The following PMPCA variants were observed in gnomAD, a reference collection of about 807,000 sequenced individuals.
PMPCA encodes mitochondrial-processing peptidase subunit alpha.
A neutral mutation model predicts 59.3 loss-of-function variants in PMPCA; 47 were observed. That is an observed-to-expected ratio of 0.79 (90% confidence interval 0.63 to 1.01). The LOEUF is 1.01. Ranked by LOEUF, PMPCA falls within the 50% of genes least tolerant of loss-of-function variation. The pLI, the probability that PMPCA is intolerant of heterozygous loss-of-function variation, is 0.00. For missense variants in PMPCA, 726 were observed against 704.5 expected (o/e 1.03, Z -0.34); for synonymous variants, 338 against 290.3 (o/e 1.16, Z -1.67).
intron 11 of PMPCA, among the ~76,000 whole-genome samples, chr9:136,421,459 G>C (rs1835449484): frequency 6.8e-6 from 1 of 146,836 alleles, no homozygotes; most frequent in Non-Finnish European, 1.5e-5. Context: ...GCCCAGGCTG[G>C]AGTGCAGTGG....
In PMPCA at chr9:136,418,088, A is replaced by T. The variant is rs753420607; in HGVS notation, c.969A>T (p.Gly323=). 1.2e-5 allele frequency: 19 copies of T among 1,612,954 alleles called. No individual in the cohort carries two copies. In the South Asian group the frequency reaches 2.1e-4, roughly 18 times the overall value. Residue 323 remains glycine (G), a synonymous_variant, in exon 8 of 13, where the codon GGA becomes GGT. Coordinates refer to ENST00000371717, the MANE Select transcript of PMPCA (RefSeq NM_015160.3). Reference sequence around the variant, plus strand: ...CCGAGCTCACGCACATCATGGTTGGACTGGAGAGCTGCTCCTTCCTGGTGA... The same window carrying T: ...CCGAGCTCACGCACATCATGGTTGGTCTGGAGAGCTGCTCCTTCCTGGTGA... ...PIPELTHIMV[G]LESCSFLEED...
At position 136,412,900 on chromosome 9, in the gene PMPCA, A is replaced by C; in HGVS notation, c.437+8A>C. Reference sequence around the variant, plus strand: ...TGACTGCCAGACATCAAGGTACACCAGCTTTTGTGTACAAACTGACTTTGG... The same window carrying C: ...TGACTGCCAGACATCAAGGTACACCCGCTTTTGTGTACAAACTGACTTTGG... On this transcript the variant is annotated splice_region_variant and intron_variant, in intron 4 of 12. Transcript: ENST00000371717. 1 of 1,540,236 alleles carries C rather than the reference A, an allele frequency of 6.5e-7. No individual in the cohort carries two copies. The highest frequency in any genetic ancestry group is 9.0e-7 in the Non-Finnish European group (1 of 1,113,994).
At chr9:136,415,967 C>T in intron 5 of PMPCA, 1 of 384,606 alleles carries the variant, frequency 2.6e-6, no homozygotes, top group Non-Finnish European at 4.7e-6. Flanking sequence ...CATGTCTGGT[C>T]TCGTGTCCTC....
chr9:136,423,250 C>T lies in PMPCA; in HGVS notation c.1564C>T (p.Arg522Trp), dbSNP rs1024902017. Residue 522 changes from arginine (R) to tryptophan (W), a missense_variant, in exon 13 of 13, where the codon CGG (arginine) becomes TGG (tryptophan). Transcript: ENST00000371717. ...GGACGGGCGCCTGCCCAGGACGTACCGGCTCTTCCGGTAGAACCGCTCCCC... is the reference window on the plus strand; with the variant it reads ...GGACGGGCGCCTGCCCAGGACGTACTGGCTCTTCCGGTAGAACCGCTCCCC... ...SKDGRLPRTY[R>W]LFR is the part of the protein sequence containing the mutation. The T allele has an allele frequency of 2.2e-5, 35 of 1,612,062 alleles. No homozygotes were observed. The highest frequency in any genetic ancestry group is 4.0e-5 in the African/African-American group (3 of 74,930).
At position 136,417,003 on chromosome 9, in the gene PMPCA, A is replaced by G. The variant is rs765523253; in HGVS notation, c.686A>G (p.Asn229Ser). Reference protein sequence around the residue: ...VGLHRFCPTENVAKINREVLH... With the variant: ...VGLHRFCPTESVAKINREVLH... ...CTCCACCGTTTCTGCCCCACAGAAA[A>G]CGTAGCAAAGATCAACCGAGAGGTG... Residue 229 changes from asparagine to serine, a missense_variant, in exon 7 of 13, where the codon AAC becomes AGC. By Grantham distance (46) the Asn-to-Ser change is conservative (BLOSUM62 1). Coordinates refer to ENST00000371717, the MANE Select transcript of PMPCA (RefSeq NM_015160.3). 1.2e-6 allele frequency: 2 copies of G among 1,612,934 alleles called. No individual in the cohort carries two copies. The highest frequency in any genetic ancestry group is 1.7e-6 in the Non-Finnish European group (2 of 1,179,996).
intron 2 of PMPCA, 95 bp from the exon 3 acceptor site, chr9:136,412,395 A>G: frequency 3.9e-6 from 3 of 770,044 alleles, no homozygotes; most frequent in African/African-American, 1.7e-5. Context: ...ATTAAATCTG[A>G]TTATCATGTC....
Position 136,423,474 on chromosome 9 carries a change from G to C in PMPCA, c.*210G>C, listed in dbSNP as rs1168624897. On this transcript the variant is annotated 3_prime_UTR_variant, in exon 13 of 13. Coordinates refer to ENST00000371717, the MANE Select transcript of PMPCA (RefSeq NM_015160.3). ...ATCGAGCCTGACCACCGCAAGCCAG[G>C]AAGCAGGTGAAGTGCCCAGCGCTGG... 10 of 569,192 alleles carry C rather than the reference G, an allele frequency of 1.8e-5. No homozygotes were observed. The highest frequency in any genetic ancestry group is 1.7e-4 in the African/African-American group (9 of 53,300). 35.3% of individuals were successfully genotyped at this position (569,192 alleles called of 1,614,324 possible). A position where few individuals can be genotyped will look rare whatever the true frequency, so the allele number is the denominator to read the frequency against.
intron 11 of PMPCA, chr9:136,419,761 T>C (rs1835395519): frequency 6.5e-6 from 1 of 154,412 alleles, no homozygotes; most frequent in South Asian, 2.0e-4. Flanking sequence ...TTTTGTATTT[T>C]TAGTAGAGAC....
intron 1 of PMPCA, among the ~76,000 whole-genome samples, chr9:136,411,686 C>T (rs151142135): frequency 3.1e-4 from 47 of 152,296 alleles, no homozygotes; most frequent in African/African-American, 1.0e-3. Context: ...TTCGGTGGTG[C>T]TGTTGGAGGG....
rs373480194 is a variant in PMPCA, at chr9:136,423,020, C to T, written c.1409-75C>T. The stretch of plus-strand genomic sequence containing the variant: ...AGTGGTACAGACCAGCCGCCCCCTC[C>T]GTGTGTTTACTGATGCAGCCTCAGC... On this transcript the variant is annotated intron_variant, in intron 12 of 12. Transcript: ENST00000371717. 318 of 1,511,720 alleles carry T rather than the reference C, an allele frequency of 2.1e-4. 2 individuals carry two copies. The East Asian group carries it at 4.1e-3, about 20-fold the overall frequency. The allele number at this position is 1,511,720 out of a possible 1,614,324, so 93.6% of individuals were successfully genotyped here.
Position 136,418,833 on chromosome 9 carries a change from A to C in PMPCA, c.1115A>C (p.His372Pro), listed in dbSNP as rs1165298940. The C allele has an allele frequency of 6.2e-7, 1 of 1,611,202 alleles. No individual in the cohort carries two copies. Among genetic ancestry groups the C allele is most frequent in the African/African-American group, 1.3e-5 (1 of 74,850 alleles). ...RLYLNVLNRH[H>P]WMYNATSYHH... ...TGACTCTCGCTTCCTCCCAGGCACC[A>C]CTGGATGTATAACGCGACCTCCTAC... Residue 372 changes from histidine to proline, a missense_variant, in exon 10 of 13, where the codon CAC becomes CCC. Transcript: ENST00000371717.
At chr9:136,415,701 C>T (rs552454847) in intron 5 of PMPCA, among the ~76,000 whole-genome samples, 62 of 152,338 alleles carry the variant, frequency 4.1e-4, no homozygotes, top group Non-Finnish European at 6.3e-4. Context: ...GGCGCGATCT[C>T]GGCTCACTGC....
intron 4 of PMPCA, among the ~76,000 whole-genome samples, chr9:136,414,231 G>A (rs1564419983): frequency 6.6e-6 from 1 of 152,234 alleles, no homozygotes; most frequent in African/African-American, 2.4e-5. Context: ...CTCAAGCTGT[G>A]TGTAGCTGTG....
intron 8 of PMPCA, 60 bp from the exon 9 acceptor site, chr9:136,418,495 C>G: frequency 9.3e-7 from 1 of 1,069,712 alleles, no homozygotes; most frequent in Non-Finnish European, 1.4e-6. Context: ...TCCCTGGCGT[C>G]TGACGGTGCT....
At chr9:136,412,416 C>T (rs1835157015) in intron 2 of PMPCA, 74 bp from the exon 3 acceptor site, 2 of 841,242 alleles carry the variant, frequency 2.4e-6, no homozygotes, top group Non-Finnish European at 4.0e-6. Context: ...ATATTGACAT[C>T]TTAAAATGTT....
At chr9:136,415,156 G>A (rs376533023) in intron 5 of PMPCA, among the ~76,000 whole-genome samples, 18 of 152,114 alleles carry the variant, frequency 1.2e-4, no homozygotes, top group South Asian at 2.1e-4. Context: ...CTGTAATCCC[G>A]GCATTTAGGG....
intron 12 of PMPCA, 23 bp downstream of exon 12, chr9:136,421,999 G>A (rs1242286340): frequency 1.9e-6 from 3 of 1,594,496 alleles, no homozygotes; most frequent in Non-Finnish European, 2.6e-6. Context: ...GGGGTAGTGA[G>A]GGGCTGCCGC....
At position 136,410,681 on chromosome 9, in the gene PMPCA, G is replaced by A; in HGVS notation, c.13G>A (p.Val5Met). Reference sequence around the variant, plus strand: ...GCGGAGACGCAAGATGGCGGCTGTGGTGCTGGCGGCGACGCGGTTGCTGCG... The same window carrying A: ...GCGGAGACGCAAGATGGCGGCTGTGATGCTGGCGGCGACGCGGTTGCTGCG... Reference protein sequence around the residue: MAAVVLAATRLLRGS... With the variant: MAAVMLAATRLLRGS... The change falls in exon 1 of 13, where the codon GTG (valine) becomes ATG (methionine). Residue 5 changes from valine to methionine, a missense_variant. Physicochemically the swap from Val to Met is conservative, Grantham distance 21. Transcript: ENST00000371717. The A allele has an allele frequency of 7.1e-7, 1 of 1,417,904 alleles. No individual in the cohort carries two copies. The highest frequency in any genetic ancestry group is 9.2e-7 in the Non-Finnish European group (1 of 1,087,688). 87.8% of individuals were successfully genotyped at this position (1,417,904 alleles called of 1,614,324 possible). A position where few individuals can be genotyped will look rare whatever the true frequency, so the allele number is the denominator to read the frequency against.
At chr9:136,415,884 C>T (rs1049197855) in intron 5 of PMPCA, among the ~76,000 whole-genome samples, 197 of 152,348 alleles carry the variant, frequency 1.3e-3, no homozygotes, top group African/African-American at 4.4e-3. Flanking sequence ...CCACCCACCT[C>T]GGCCTCCCAA....
Sources: gnomAD v4.1 joint callset for allele counts (sites outside exome capture counted in the v4.1 genomes callset) on GRCh38, gnomAD v4.1.1 for gene constraint, MANE v1.5 for transcripts, NCBI Gene and HGNC (gene_info 2026-07-23, HGNC 2026-07-21) for gene names.